PIGL: variants seen among roughly 807,000 people sequenced by gnomAD.
The protein encoded by PIGL is N-acetylglucosaminyl-phosphatidylinositol de-N-acetylase.
Under a neutral mutation model 31.1 loss-of-function variants are expected in PIGL, and 22 were observed. That is an observed-to-expected ratio of 0.71 (90% CI 0.51 to 1.01). The LOEUF (loss-of-function observed/expected upper bound fraction) is 1.01. Ranked by LOEUF, PIGL falls within the 50% of genes least tolerant of loss-of-function variation. PIGL has a pLI of 0.00. For missense variants in PIGL, 302 were observed against 315.9 expected, an observed-to-expected ratio of 0.96 and a Z score of 0.33; for synonymous variants, 131 against 117.4, an observed-to-expected ratio of 1.12 and a Z score of -0.75.
At chr17:16,235,534 C>A (rs1223308108) in intron 2 of PIGL, among the ~76,000 whole-genome samples, 1 of 150,146 alleles carries the variant, frequency 6.7e-6, no homozygotes, top group Non-Finnish European at 1.5e-5. Flanking sequence ...GCAACCTCCA[C>A]CTCCTGGATT....
At chr17:16,298,863 A>G (rs1431632371) in intron 2 of PIGL, among the ~76,000 whole-genome samples, 2 of 151,912 alleles carry the variant, frequency 1.3e-5, no homozygotes, top group Non-Finnish European at 2.9e-5. Context: ...CCCTGTCTCT[A>G]CTAAAAATAC....
intron 6 of PIGL, 91 bp downstream of exon 6, chr17:16,317,999 T>G: frequency 8.8e-7 from 1 of 1,136,170 alleles, no homozygotes; most frequent in Non-Finnish European, 1.3e-6. Flanking sequence ...AAGCCCTAAC[T>G]GAAGGTTTTT....
chr17:16,287,201 T>C (rs988230027), intron 2 of PIGL, among the ~76,000 whole-genome samples: 1 of 152,122 alleles, frequency 6.6e-6, no homozygotes, highest in Non-Finnish European at 1.5e-5. Flanking sequence ...AGGCCCACAC[T>C]GCTCCTCCTG....
chr17:16,246,379 G>A (rs943997967), intron 2 of PIGL, among the ~76,000 whole-genome samples: 1 of 151,330 alleles, frequency 6.6e-6, no homozygotes, highest in Non-Finnish European at 1.5e-5. Flanking sequence ...GGGCATGGTG[G>A]TGCACACCTG....
At chr17:16,275,231 C>A (rs141748103) in intron 2 of PIGL, among the ~76,000 whole-genome samples, 1 of 152,228 alleles carries the variant, frequency 6.6e-6, no homozygotes, top group Non-Finnish European at 1.5e-5. Context: ...GACCATAGAG[C>A]GTAACTTCCT....
intron 1 of PIGL, among the ~76,000 whole-genome samples, chr17:16,224,718 G>A (rs756986041): frequency 2.6e-5 from 4 of 151,332 alleles, no homozygotes; most frequent in Non-Finnish European, 4.4e-5. Flanking sequence ...GTGCAGTGGC[G>A]CAGTCTCGGC....
intron 6 of PIGL, among the ~76,000 whole-genome samples, chr17:16,320,140 G>A (rs1431145502): frequency 1.4e-5 from 2 of 146,074 alleles, no homozygotes; most frequent in Admixed American, 6.9e-5. Flanking sequence ...AAGGGGAAAG[G>A]GAAGGGAGAG....
chr17:16,255,245 G>T (rs1442316883), intron 2 of PIGL, among the ~76,000 whole-genome samples: 1 of 152,008 alleles, frequency 6.6e-6, no homozygotes, highest in Non-Finnish European at 1.5e-5. Flanking sequence ...TCCTGTTCCT[G>T]ATTGCCACAC....
At chr17:16,325,332 C>CAAAAA (rs55958956) in intron 6 of PIGL, among the ~76,000 whole-genome samples, 2 of 69,266 alleles carry the variant, frequency 2.9e-5, no homozygotes, top group African/African-American at 5.8e-5. Context: ...GCAACAGGCT[C>CAAAAA]AAAAAAAAAA....
intron 2 of PIGL, chr17:16,282,054 G>A: frequency 1.9e-6 from 1 of 519,274 alleles, no homozygotes; most frequent in South Asian, 1.4e-5. Context: ...ACTCACCATA[G>A]TGGTGGACTG....
chr17:16,280,563 T>G lies in PIGL; in HGVS notation c.336-19325T>G, dbSNP rs373908280. The stretch of plus-strand genomic sequence containing the variant: ...GAAGTTATAGCCCTTGCCCCACGCA[T>G]GCACAGCCTCTCTGGTTATCAGCAT... On this transcript the variant is annotated intron_variant, in intron 2 of 6. Coordinates refer to ENST00000225609, the MANE Select transcript of PIGL (RefSeq NM_004278.4). Among the ~76,000 whole-genome samples, 15 of 152,350 alleles carry G rather than the reference T, an allele frequency of 9.8e-5. 1 individual carries two copies. The South Asian group carries it at 3.1e-3, about 32-fold the overall frequency.
In PIGL at chr17:16,257,924, G is replaced by A. The variant is rs762851538; in HGVS notation, c.335+23854G>A. Among the ~76,000 whole-genome samples the A allele has an allele frequency of 7.3e-5, 11 of 151,486 alleles. 1 individual carries two copies. The highest frequency in any genetic ancestry group is 7.2e-4 in the Admixed American group (11 of 15,216). On this transcript the variant is annotated intron_variant, in intron 2 of 6. Coordinates refer to ENST00000225609, the MANE Select transcript of PIGL (RefSeq NM_004278.4). The stretch of plus-strand genomic sequence containing the variant: ...TACTAAAAATACAAATTAACTGGGT[G>A]TTGTGGCGGGCACCTGTAATCCCAG...
intron 2 of PIGL, among the ~76,000 whole-genome samples, chr17:16,267,835 T>G (rs2092851608): frequency 6.6e-6 from 1 of 152,184 alleles, no homozygotes; most frequent in Non-Finnish European, 1.5e-5. Context: ...GGGGTGCAAC[T>G]TGGAGCACCA....
intron 2 of PIGL, among the ~76,000 whole-genome samples, chr17:16,266,401 A>C (rs2092843279): frequency 1.3e-5 from 2 of 151,210 alleles, no homozygotes; most frequent in South Asian, 4.2e-4. Context: ...AAAAAAAAAA[A>C]AAAAAAAGAA....
At chr17:16,218,567 G>GAAC (rs2092609967) in intron 1 of PIGL, among the ~76,000 whole-genome samples, 1 of 151,434 alleles carries the variant, frequency 6.6e-6, no homozygotes, top group Non-Finnish European at 1.5e-5. Context: ...AAAGAGCAGA[G>GAAC]AACATCTTTA....
In PIGL at chr17:16,299,916, T is replaced by C. The variant is rs755158384; in HGVS notation, c.364T>C (p.Trp122Arg). 6.2e-7 allele frequency: 1 copy of C among 1,614,034 alleles called. No individual in the cohort carries two copies. The highest frequency in any genetic ancestry group is 2.2e-5 in the East Asian group (1 of 44,890). Residue 122 changes from tryptophan (W) to arginine (R), a missense_variant, in exon 3 of 7, where the codon TGG (tryptophan) becomes CGG (arginine). By Grantham distance (101) the Trp-to-Arg change is moderately radical. Transcript: ENST00000225609. Reference protein sequence around the residue: ...RDFPDDPGMQWDTEHVARVLL... With the variant: ...RDFPDDPGMQRDTEHVARVLL... ...TTTCCCAGATGACCCAGGCATGCAG[T>C]GGGACACAGAGCACGTGGCCAGAGT...
chr17:16,251,349 A>G (rs2092770647), intron 2 of PIGL, among the ~76,000 whole-genome samples: 1 of 151,690 alleles, frequency 6.6e-6, no homozygotes, highest in Admixed American at 6.6e-5. Flanking sequence ...CTTGGGGTCA[A>G]GAGGTCAAGG....
intron 2 of PIGL, among the ~76,000 whole-genome samples, chr17:16,236,857 C>T (rs1235101649): frequency 6.6e-6 from 1 of 152,126 alleles, no homozygotes; most frequent in Non-Finnish European, 1.5e-5. Flanking sequence ...GCATGAGCCA[C>T]CACGCCTGGC....
chr17:16,324,257 G>A lies in PIGL; in HGVS notation c.661-1543G>A, dbSNP rs987925650. On this transcript the variant is annotated intron_variant, in intron 6 of 6. Transcript: ENST00000225609. ...TGAGGTTACAGGCATGAGCCATTGC[G>A]CCTAGCCAATTCGTCTTATTATCTT... The A allele has an allele frequency of 5.3e-5, 8 of 151,838 alleles. No homozygotes were observed. The East Asian group carries it at 7.8e-4, about 15-fold the overall frequency. The allele number at this position is 151,838 out of a possible 1,614,324, so 9.4% of individuals were successfully genotyped here.
Sources: allele counts gnomAD v4.1 joint callset (sites outside exome capture counted in the v4.1 genomes callset), GRCh38; gene constraint gnomAD v4.1.1; transcripts MANE v1.5; gene names NCBI Gene and HGNC (gene_info 2026-07-23, HGNC 2026-07-21).